Variants in TSEN54 observed in about 807,000 individuals in gnomAD.
TSEN54 encodes tRNA-splicing endonuclease subunit Sen54.
In TSEN54, 55 loss-of-function variants were observed where a neutral mutation model predicts 61.9. The ratio of observed to expected loss-of-function variants is 0.89; its 90% CI spans 0.72 to 1.11. The LOEUF (loss-of-function observed/expected upper bound fraction) is 1.11, where lower values mean the gene tolerates loss of function less well. Ranked by LOEUF, TSEN54 falls within the 50% of genes most tolerant of loss-of-function variation. The pLI is 0.00. For missense variants in TSEN54, 760 were observed against 687.7 expected (o/e 1.11, Z -1.18); for synonymous variants, 304 against 288.7 (o/e 1.05, Z -0.54).
chr17:75,519,427 A>C (rs890364900), intron 6 of TSEN54, among the ~76,000 whole-genome samples: 1 of 152,232 alleles, frequency 6.6e-6, no homozygotes, highest in Non-Finnish European at 1.5e-5. Flanking sequence ...CACATTTTTC[A>C]TGCCAGGTTA....
intron 5 of TSEN54, chr17:75,518,787 G>C: frequency 1.0e-6 from 1 of 985,390 alleles, no homozygotes; most frequent in Non-Finnish European, 1.2e-6. Flanking sequence ...TGCCGAGTAA[G>C]GTAAGTGGGA....
At chr17:75,521,612 G>T in intron 7 of TSEN54, 93 bp from the exon 8 acceptor site, 2 of 1,568,464 alleles carry the variant, frequency 1.3e-6, no homozygotes, top group Non-Finnish European at 1.8e-6. Flanking sequence ...GCAGGCTCAG[G>T]GAGACACTAG....
In TSEN54 at chr17:75,517,111, GC is replaced by G. The variant is rs776040116; in HGVS notation, c.285+42del. The stretch of plus-strand genomic sequence containing the variant: ...TCGGGGACCGGGGACCGCCCTCCCT[GC>G]CCTCCCTGCCCTCCCTCCCTTGTGA... On this transcript the variant is annotated intron_variant, in intron 3 of 10. Coordinates refer to ENST00000333213, the MANE Select transcript of TSEN54 (RefSeq NM_207346.3). The G allele has an allele frequency of 1.4e-5, 21 of 1,507,034 alleles. No homozygotes were observed. In the East Asian group the frequency reaches 4.8e-4, roughly 34 times the overall value. The allele number at this position is 1,507,034 out of a possible 1,614,324, so 93.4% of individuals were successfully genotyped here. A position where few individuals can be genotyped will look rare whatever the true frequency, so the allele number is the denominator to read the frequency against.
intron 8 of TSEN54, chr17:75,522,745 T>G: frequency 3.2e-6 from 1 of 308,166 alleles, no homozygotes; most frequent in Non-Finnish European, 6.0e-6. Flanking sequence ...GGATTCCAAA[T>G]TACTTAAAGC....
chr17:75,520,814 C>T (rs992092406), intron 6 of TSEN54, among the ~76,000 whole-genome samples: 11 of 151,730 alleles, frequency 7.2e-5, no homozygotes, highest in Non-Finnish European at 1.6e-4. Context: ...ATTAGCTGGG[C>T]ATGGTGGCAC....
At chr17:75,519,772 T>C (rs2053408799) in intron 6 of TSEN54, among the ~76,000 whole-genome samples, 1 of 151,948 alleles carries the variant, frequency 6.6e-6, no homozygotes, top group Non-Finnish European at 1.5e-5. Context: ...GGGGTTTCAC[T>C]GTGTTGCCCA....
intron 6 of TSEN54, among the ~76,000 whole-genome samples, chr17:75,519,945 G>A (rs1330126322): frequency 1.3e-5 from 2 of 152,204 alleles, no homozygotes; most frequent in Non-Finnish European, 2.9e-5. Flanking sequence ...TGGTTCACCT[G>A]TGAGAATGAT....
In TSEN54 at chr17:75,519,036, A is replaced by G; in HGVS notation, c.510A>G (p.Arg170=). The G allele has an allele frequency of 6.2e-7, 1 of 1,613,688 alleles. No homozygotes were observed. The highest frequency in any genetic ancestry group is 1.7e-5 in the Admixed American group (1 of 59,960). ...AGAGGTTGGGTTATGTGGTTCGACGATTCCAACCAAGGTAAATCCCCTTCC... is the reference window on the plus strand; with the variant it reads ...AGAGGTTGGGTTATGTGGTTCGACGGTTCCAACCAAGGTAAATCCCCTTCC... ...HLKRLGYVVR[R]FQPSSVLSPY... Residue 170 remains arginine, a synonymous_variant, in exon 6 of 11, where the codon CGA becomes CGG. Transcript: ENST00000333213.
intron 3 of TSEN54, 37 bp from the exon 4 acceptor site, chr17:75,517,124 T>C (rs755123502): frequency 1.8e-6 from 2 of 1,089,156 alleles, no homozygotes; most frequent in Non-Finnish European, 2.7e-6. Flanking sequence ...CTCCCTGCCC[T>C]CCCTCCCTTG....
intron 8 of TSEN54, chr17:75,522,874 T>TAAA: frequency 2.3e-5 from 6 of 262,266 alleles, no homozygotes; most frequent in East Asian, 9.3e-5. Context: ...ATGCTTATAC[T>TAAA]AAAAAAAAAA....
chr17:75,524,446 G>C lies in TSEN54; in HGVS notation c.*34G>C, dbSNP rs200162738. On this transcript the variant is annotated 3_prime_UTR_variant, in exon 11 of 11. Transcript: ENST00000333213. ...CTCTGCAGAGGATGGAGCTTGCTCC[G>C]GGGGACCGGGACTGTCTGTTCTCAG... is the stretch of plus-strand genomic sequence containing the variant. The C allele has an allele frequency of 2.5e-6, 4 of 1,612,958 alleles. No individual in the cohort carries two copies. Among genetic ancestry groups the C allele is most frequent in the South Asian group, 1.1e-5 (1 of 91,064 alleles).
chr17:75,517,393 G>A (rs1271511307), intron 4 of TSEN54, 149 bp downstream of exon 4: 5 of 1,173,654 alleles, frequency 4.3e-6, no homozygotes, highest in African/African-American at 1.5e-5. Flanking sequence ...AGGGAGCAGG[G>A]ATTCCAGTCC....
intron 3 of TSEN54, 41 bp from the exon 4 acceptor site, chr17:75,517,120 G>GCCCTCCCTC: frequency 7.3e-7 from 1 of 1,375,598 alleles, no homozygotes; most frequent in Non-Finnish European, 1.0e-6. Context: ...TGCCCTCCCT[G>GCCCTCCCTC]CCCTCCCTCC....
At chr17:75,520,216 T>C (rs1568002377) in intron 6 of TSEN54, among the ~76,000 whole-genome samples, 1 of 152,198 alleles carries the variant, frequency 6.6e-6, no homozygotes, top group Non-Finnish European at 1.5e-5. Context: ...GTCTAATACA[T>C]GGGGCTAGAG....
chr17:75,519,732 TTTTTA>T (rs1235634003), intron 6 of TSEN54, among the ~76,000 whole-genome samples: 2 of 151,834 alleles, frequency 1.3e-5, no homozygotes, highest in Non-Finnish European at 2.9e-5. Flanking sequence ...CTGGCTAATT[TTTTTA>T]TTTTATTTTA....
chr17:75,521,595 C>A, intron 7 of TSEN54, 85 bp downstream of exon 7: 2 of 1,571,898 alleles, frequency 1.3e-6, no homozygotes, highest in Non-Finnish European at 1.8e-6. Flanking sequence ...GAACCAGCAG[C>A]TCCCATGCAG....
Position 75,517,159 on chromosome 17 carries a change from A to G in TSEN54, c.286-2A>G. The G allele has an allele frequency of 1.3e-6, 2 of 1,564,700 alleles. No individual in the cohort carries two copies. Among genetic ancestry groups the G allele is most frequent in the Non-Finnish European group, 1.7e-6 (2 of 1,152,992 alleles). ...GTGACACTTGCTCTGGGCCCCACAC[A>G]GGGCAAATTCTGGCAGACCATGGGC... On this transcript the variant is annotated splice_acceptor_variant, in intron 3 of 10. Coordinates refer to ENST00000333213, the MANE Select transcript of TSEN54 (RefSeq NM_207346.3). LOFTEE classifies it high-confidence loss of function.
At position 75,516,566 on chromosome 17, in the gene TSEN54, G is replaced by C. The variant is rs794726965; in HGVS notation, c.6G>C (p.Glu2Asp). 19 of 1,145,784 alleles carry C rather than the reference G, an allele frequency of 1.7e-5. No homozygotes were observed. In the African/African-American group the frequency reaches 2.6e-4, roughly 16 times the overall value. 71.0% of individuals were successfully genotyped at this position (1,145,784 alleles called of 1,614,324 possible). A position where few individuals can be genotyped will look rare whatever the true frequency, so the allele number is the denominator to read the frequency against. Residue 2 changes from glutamate to aspartate, a missense_variant, in exon 1 of 11, where the codon GAG (glutamate) becomes GAC (aspartate). Coordinates refer to ENST00000333213, the MANE Select transcript of TSEN54 (RefSeq NM_207346.3). M[E>D]PEPEPAAVEV... is the part of the protein sequence containing the mutation. ...CAGCGGCAGGCGGCGGCGGGATGGA[G>C]CCCGAGCCCGAGCCCGCGGCCGTGG...
At chr17:75,517,484 C>A (rs1466353566) in intron 4 of TSEN54, 73 bp from the exon 5 acceptor site, 1 of 1,388,826 alleles carries the variant, frequency 7.2e-7, no homozygotes, top group Non-Finnish European at 1.0e-6. Context: ...GGTATCAGAG[C>A]TGGGAAGTTG....
Sources: gnomAD v4.1 joint callset for allele counts (sites outside exome capture counted in the v4.1 genomes callset) on GRCh38, gnomAD v4.1.1 for gene constraint, MANE v1.5 for transcripts, NCBI Gene and HGNC (gene_info 2026-07-23, HGNC 2026-07-21) for gene names.